The following CSMD1 variants were observed in gnomAD, a reference collection of about 807,000 sequenced individuals.
The protein encoded by CSMD1 is CUB and Sushi multiple domains 1.
CSMD1 carries 213 observed loss-of-function variants against 417.5 expected under a neutral mutation model. That is an observed-to-expected ratio of 0.51 (90% CI 0.46 to 0.57). The LOEUF is 0.57. Among genes scored for constraint, CSMD1 ranks in the 20% least tolerant of loss-of-function variants. CSMD1 has a pLI of 0.00. For synonymous variants in CSMD1, 2,862 were observed against 1,736.8 expected, an observed-to-expected ratio of 1.65 and a Z score of -16.11; for missense variants, 6,923 against 4,529.7, an observed-to-expected ratio of 1.53 and a Z score of -15.17.
At chr8:3,922,566 T>C (rs1233716393) in intron 5 of CSMD1, among the ~76,000 whole-genome samples, 2 of 152,274 alleles carry the variant, frequency 1.3e-5, no homozygotes, top group East Asian at 3.9e-4. Flanking sequence ...TTTTTGTTCA[T>C]GGTTACAAGT....
At chr8:4,368,170 A>G (rs563266330) in intron 3 of CSMD1, among the ~76,000 whole-genome samples, 9 of 152,238 alleles carry the variant, frequency 5.9e-5, no homozygotes, top group African/African-American at 1.7e-4. Context: ...ATATTCCTTC[A>G]ATGCCTAATT....
chr8:4,354,615 T>C (rs996754736), intron 3 of CSMD1, among the ~76,000 whole-genome samples: 2 of 152,118 alleles, frequency 1.3e-5, no homozygotes, highest in Non-Finnish European at 2.9e-5. Context: ...CTTGAACGTA[T>C]AAGAACGTGT....
At chr8:4,354,086 T>A (rs575155327) in intron 3 of CSMD1, among the ~76,000 whole-genome samples, 1 of 152,196 alleles carries the variant, frequency 6.6e-6, no homozygotes, top group South Asian at 2.1e-4. Context: ...CATGGCAATA[T>A]TGCTTCCATA....
chr8:3,808,520 C>T (rs529530248), intron 5 of CSMD1, among the ~76,000 whole-genome samples: 3 of 152,222 alleles, frequency 2.0e-5, no homozygotes, highest in South Asian at 2.1e-4. Context: ...GAGCATGCTA[C>T]CGTGGTGAAT....
intron 3 of CSMD1, among the ~76,000 whole-genome samples, chr8:4,042,668 T>G (rs1797949774): frequency 6.6e-6 from 1 of 151,754 alleles, no homozygotes; most frequent in Admixed American, 6.6e-5. Flanking sequence ...CACTATTAGC[T>G]GTTTAAAGCC....
At chr8:4,850,671 C>T (rs1016667463) in intron 1 of CSMD1, among the ~76,000 whole-genome samples, 2 of 152,178 alleles carry the variant, frequency 1.3e-5, no homozygotes, top group Admixed American at 6.5e-5. Flanking sequence ...TCCTTACCCC[C>T]TTAGCTTTGT....
intron 5 of CSMD1, among the ~76,000 whole-genome samples, chr8:3,794,544 C>T (rs1483495970): frequency 2.6e-5 from 4 of 152,098 alleles, no homozygotes; most frequent in African/African-American, 7.2e-5. Flanking sequence ...GTATTTAATA[C>T]AACTTTCCTG....
chr8:4,236,045 T>G lies in CSMD1; in HGVS notation c.415+183908A>C, dbSNP rs1324350355. Among the ~76,000 whole-genome samples, 296 of 41,014 alleles carry G rather than the reference T, an allele frequency of 7.2e-3. 6 individuals are homozygous for G. Among genetic ancestry groups the G allele is most frequent in the South Asian group, 0.035 (56 of 1,598 alleles). The allele number at this position is 41,014 out of a possible 152,430, so 26.9% of individuals were successfully genotyped here. A position where few individuals can be genotyped will look rare whatever the true frequency, so the allele number is the denominator to read the frequency against. ...GATATTGTTTTTTTTGTTTGTTTTT[T>G]TTTTTTTTTTTTTTTTTTTTTTTTG... On this transcript the variant is annotated intron_variant, in intron 3 of 69. Transcript: ENST00000635120.
chr8:4,003,678 A>G (rs192602004), intron 4 of CSMD1, among the ~76,000 whole-genome samples: 2 of 152,338 alleles, frequency 1.3e-5, no homozygotes, highest in Admixed American at 1.3e-4. Context: ...ATCTAGTTGT[A>G]TGTTCCTAAT....
intron 49 of CSMD1, among the ~76,000 whole-genome samples, chr8:3,061,229 T>C (rs946967470): frequency 2.0e-5 from 3 of 152,076 alleles, no homozygotes; most frequent in Non-Finnish European, 2.9e-5. Flanking sequence ...TCAGCAGGGG[T>C]TCTTTGACAG....
At chr8:4,459,540 C>T (rs747017507) in intron 2 of CSMD1, among the ~76,000 whole-genome samples, 1 of 152,242 alleles carries the variant, frequency 6.6e-6, no homozygotes, top group African/African-American at 2.4e-5. Context: ...TTTAGAGGAG[C>T]CTGGTGCTTT....
At chr8:4,351,883 G>A (rs1466143493) in intron 3 of CSMD1, among the ~76,000 whole-genome samples, 2 of 151,686 alleles carry the variant, frequency 1.3e-5, no homozygotes, top group East Asian at 1.9e-4. Flanking sequence ...ACTTGTATGT[G>A]GATTACGCAC....
At chr8:4,112,387 T>C (rs1280455721) in intron 3 of CSMD1, among the ~76,000 whole-genome samples, 1 of 152,072 alleles carries the variant, frequency 6.6e-6, no homozygotes, top group Non-Finnish European at 1.5e-5. Flanking sequence ...AGGAAGAAAA[T>C]GCCCTGACAA....
At chr8:3,626,184 C>G (rs1796484379) in intron 7 of CSMD1, among the ~76,000 whole-genome samples, 1 of 152,178 alleles carries the variant, frequency 6.6e-6, no homozygotes, top group Non-Finnish European at 1.5e-5. Flanking sequence ...CCGGCTGGCT[C>G]CCGCAAATGC....
chr8:3,154,116 A>G (rs972582864), intron 39 of CSMD1, among the ~76,000 whole-genome samples: 10 of 152,076 alleles, frequency 6.6e-5, no homozygotes, highest in African/African-American at 2.4e-4. Context: ...ACAGGCGCCC[A>G]CAACTGCGAC....
chr8:3,612,914 A>C (rs1441882251), intron 8 of CSMD1, among the ~76,000 whole-genome samples: 1 of 152,092 alleles, frequency 6.6e-6, no homozygotes, highest in Non-Finnish European at 1.5e-5. Flanking sequence ...AGAGGAAATA[A>C]ATTAATAAGA....
chr8:3,180,077 C>G (rs1206670839), intron 37 of CSMD1, among the ~76,000 whole-genome samples: 1 of 152,144 alleles, frequency 6.6e-6, no homozygotes, highest in East Asian at 1.9e-4. Context: ...TGCTTATTTG[C>G]AACTGCTTAT....
At chr8:3,746,656 T>C (rs916095599) in intron 6 of CSMD1, among the ~76,000 whole-genome samples, 1 of 152,044 alleles carries the variant, frequency 6.6e-6, no homozygotes, top group Non-Finnish European at 1.5e-5. Flanking sequence ...ATTTATTCTC[T>C]TGTTTCAACA....
At position 3,501,775 on chromosome 8, in the gene CSMD1, G is replaced by T. The variant is rs75336520; in HGVS notation, c.1345-8049C>A. 3.7e-3 allele frequency among the ~76,000 whole-genome samples: 558 copies of T among 152,256 alleles called. 6 individuals are homozygous for T. The highest frequency in any genetic ancestry group is 0.013 in the African/African-American group (528 of 41,540). On this transcript the variant is annotated intron_variant, in intron 10 of 69. Transcript: ENST00000635120. Reference sequence around the variant, plus strand: ...ACGATTACACATTTTAAAAGAAAATGCACACTTTCTTAGAAAATAAATATT... The same window carrying T: ...ACGATTACACATTTTAAAAGAAAATTCACACTTTCTTAGAAAATAAATATT...
Sources: gnomAD v4.1 joint callset for allele counts (sites outside exome capture counted in the v4.1 genomes callset) on GRCh38, gnomAD v4.1.1 for gene constraint, MANE v1.5 for transcripts, NCBI Gene and HGNC (gene_info 2026-07-23, HGNC 2026-07-21) for gene names.